Variants in PTPN20 observed in about 807,000 individuals in gnomAD.
PTPN20 encodes the protein protein tyrosine phosphatase non-receptor type 20.
A neutral mutation model predicts 35.0 loss-of-function variants in PTPN20; 9 were observed. The observed-to-expected ratio is 0.26, with a 90% CI of 0.15 to 0.45. PTPN20 has a LOEUF of 0.45. Ranked by LOEUF, PTPN20 falls within the 20% of genes least tolerant of loss-of-function variation. The probability of loss-of-function intolerance (pLI) is 1.00; values close to 1 mark genes in which losing one functional copy is unlikely to be tolerated. For missense variants in PTPN20, 111 were observed against 312.5 expected (o/e 0.36, Z 4.86); for synonymous variants, 32 against 100.2 (o/e 0.32, Z 4.06).
At chr10:46,988,835 T>G (rs1199353642) in intron 9 of PTPN20, among the ~76,000 whole-genome samples, 34 of 152,124 alleles carry the variant, frequency 2.2e-4, no homozygotes, top group African/African-American at 7.9e-4. Context: ...TTGGTTAAAT[T>G]TATCCTAGGT....
intron 9 of PTPN20, among the ~76,000 whole-genome samples, chr10:46,994,481 G>A (rs1399242034): frequency 5.9e-5 from 9 of 151,714 alleles, no homozygotes; most frequent in African/African-American, 2.2e-4. Flanking sequence ...ACAGGCGCCC[G>A]CCATCACGCC....
intron 5 of PTPN20, among the ~76,000 whole-genome samples, chr10:46,949,083 G>A (rs1187913929): frequency 6.6e-6 from 1 of 151,734 alleles, no homozygotes; most frequent in Non-Finnish European, 1.5e-5. Flanking sequence ...AGGGATTGCT[G>A]CTCCTCCTCC....
chr10:46,993,416 G>T (rs2058384878), intron 9 of PTPN20, among the ~76,000 whole-genome samples: 2 of 152,338 alleles, frequency 1.3e-5, no homozygotes, highest in South Asian at 4.1e-4. Flanking sequence ...AGCTAATTGT[G>T]CAGTAGACCT....
downstream of PTPN20, among the ~76,000 whole-genome samples, chr10:47,003,227 A>G (rs1403576393): frequency 5.3e-5 from 8 of 152,196 alleles, no homozygotes; most frequent in Non-Finnish European, 1.2e-4. Context: ...CAAGCATTGT[A>G]TCTGAAACTT....
chr10:46,923,183 A>G (rs2035955564), intron 1 of PTPN20, among the ~76,000 whole-genome samples: 1 of 143,660 alleles, frequency 7.0e-6, no homozygotes, highest in South Asian at 2.2e-4. Flanking sequence ...TCTGGCAACC[A>G]CCAAAAGACA....
At chr10:46,989,426 A>T (rs1251833757) in intron 9 of PTPN20, among the ~76,000 whole-genome samples, 9 of 61,774 alleles carry the variant, frequency 1.5e-4, no homozygotes, top group African/African-American at 7.7e-4. Context: ...TTTGTCATTC[A>T]TTCTGTTGAT....
chr10:46,933,345 C>T (rs2133292812), intron 2 of PTPN20, among the ~76,000 whole-genome samples: 1 of 151,898 alleles, frequency 6.6e-6, no homozygotes, highest in African/African-American at 2.4e-5. Flanking sequence ...AAGATCTACC[C>T]TCTTAGCAAA....
downstream of PTPN20, chr10:47,002,509 T>G (rs2060119352): frequency 6.6e-6 from 1 of 152,042 alleles, no homozygotes; most frequent in African/African-American, 2.4e-5. Flanking sequence ...TTGTTTTCAC[T>G]TCATTCTTGG....
intron 7 of PTPN20, among the ~76,000 whole-genome samples, chr10:46,968,629 C>A (rs1194421628): frequency 6.6e-6 from 1 of 152,214 alleles, no homozygotes; most frequent in Non-Finnish European, 1.5e-5. Context: ...CAAAACACAG[C>A]AATGCAATTT....
At position 46,937,374 on chromosome 10, in the gene PTPN20, T is replaced by C. The variant is rs1221749292; in HGVS notation, c.35-3249T>C. 4.6e-5 allele frequency among the ~76,000 whole-genome samples: 7 copies of C among 152,152 alleles called. No homozygotes were observed. In the South Asian group the frequency reaches 1.0e-3, roughly 23 times the overall value. ...TTTTTCTATAAGCTCATATATTACATTTGTATTTTATTGACCTTCTTTGGT... is the reference window on the plus strand; with the variant it reads ...TTTTTCTATAAGCTCATATATTACACTTGTATTTTATTGACCTTCTTTGGT... On this transcript the variant is annotated intron_variant, in intron 2 of 10. Transcript: ENST00000374339.
intron 9 of PTPN20, among the ~76,000 whole-genome samples, chr10:46,993,308 G>C (rs1405315660): frequency 6.6e-6 from 1 of 152,212 alleles, no homozygotes; most frequent in African/African-American, 2.4e-5. Flanking sequence ...GGCAGCCTGT[G>C]CTCTCTCCTC....
In PTPN20 at chr10:46,999,959, C is replaced by T; in HGVS notation, c.1182C>T (p.Gly394=). The T allele has an allele frequency of 6.2e-7, 1 of 1,613,726 alleles. No homozygotes were observed. Among genetic ancestry groups the T allele is most frequent in the Non-Finnish European group, 8.5e-7 (1 of 1,179,720 alleles). ...CCCAAATGAGAGAACAACGTTCTGGCATGGTTCAAACGAAGGTAAGCTTTC... is the reference window on the plus strand; with the variant it reads ...CCCAAATGAGAGAACAACGTTCTGGTATGGTTCAAACGAAGGTAAGCTTTC... The part of the protein sequence containing the change: ...IVAQMREQRS[G]MVQTKEQYHF... The change falls in exon 10 of 11, where the codon GGC becomes GGT. Residue 394 remains glycine, a synonymous_variant. Coordinates refer to ENST00000374339, the MANE Select transcript of PTPN20 (RefSeq NM_001042357.5).
At chr10:46,999,808 C>A in intron 9 of PTPN20, 104 bp from the exon 10 acceptor site, 1 of 1,356,606 alleles carries the variant, frequency 7.4e-7, no homozygotes, top group Non-Finnish European at 1.0e-6. Flanking sequence ...AAAATGAGAT[C>A]TTTCTGATTA....
intron 9 of PTPN20, among the ~76,000 whole-genome samples, chr10:46,988,394 A>G (rs1327274071): frequency 1.4e-5 from 2 of 144,450 alleles, no homozygotes. Flanking sequence ...GTGAACATCA[A>G]AAATCTTCTT....
intron 9 of PTPN20, among the ~76,000 whole-genome samples, chr10:46,993,961 C>A (rs533901933): frequency 6.6e-6 from 1 of 152,118 alleles, no homozygotes; most frequent in Non-Finnish European, 1.5e-5. Flanking sequence ...CTGAAGAACT[C>A]GCTTTAGCAT....
downstream of PTPN20, among the ~76,000 whole-genome samples, chr10:47,003,596 A>T (rs1246689401): frequency 1.3e-5 from 2 of 152,132 alleles, no homozygotes; most frequent in Non-Finnish European, 2.9e-5. Flanking sequence ...TATGGCCCAC[A>T]GGCCATATCT....
At chr10:46,982,732 G>A (rs1199014958) in intron 7 of PTPN20, among the ~76,000 whole-genome samples, 2 of 151,392 alleles carry the variant, frequency 1.3e-5, no homozygotes, top group Non-Finnish European at 1.5e-5. Context: ...ATATGGTTTA[G>A]ATACTGTAAT....
intron 5 of PTPN20, among the ~76,000 whole-genome samples, chr10:46,964,378 A>C (rs2050178879): frequency 9.9e-6 from 1 of 101,378 alleles, no homozygotes; most frequent in Non-Finnish European, 1.9e-5. Context: ...TCATAATTAA[A>C]AATAAAAAGA....
At chr10:46,978,985 C>A (rs1589792383) in intron 7 of PTPN20, among the ~76,000 whole-genome samples, 1 of 151,720 alleles carries the variant, frequency 6.6e-6, no homozygotes, top group Non-Finnish European at 1.5e-5. Context: ...CTAACCTGAA[C>A]CATAGGAACA....
Sources: gnomAD v4.1 joint callset for allele counts (sites outside exome capture counted in the v4.1 genomes callset) on GRCh38, gnomAD v4.1.1 for gene constraint, MANE v1.5 for transcripts, NCBI Gene and HGNC (gene_info 2026-07-23, HGNC 2026-07-21) for gene names.